Variants in DIP2B observed in about 807,000 individuals in gnomAD.
DIP2B encodes DIP2 acetate--CoA ligase B (putative), also known as disco-interacting protein 2 homolog B.
Under a neutral mutation model 198.0 loss-of-function variants are expected in DIP2B, and 76 were observed. That is an observed-to-expected ratio of 0.38 (90% CI 0.32 to 0.46). DIP2B has a LOEUF of 0.46. Ranked by LOEUF, DIP2B falls within the 20% of genes least tolerant of loss-of-function variation. The pLI is 0.99. For synonymous variants in DIP2B, 701 were observed against 739.1 expected, an observed-to-expected ratio of 0.95 and a Z score of 0.84; for missense variants, 1,559 against 1,978.4, an observed-to-expected ratio of 0.79 and a Z score of 4.02.
chr12:50,709,407 C>T (rs1283485226), intron 22 of DIP2B, among the ~76,000 whole-genome samples: 5 of 151,686 alleles, frequency 3.3e-5, no homozygotes, highest in Non-Finnish European at 4.4e-5. Context: ...CCGAGATGGG[C>T]GGATCACGAG....
chr12:50,516,227 C>CTT (rs1958062663), intron 1 of DIP2B, among the ~76,000 whole-genome samples: 4 of 147,384 alleles, frequency 2.7e-5, no homozygotes, highest in African/African-American at 1.0e-4. Flanking sequence ...CTCTCTCTCT[C>CTT]TCTCTCTCTC....
intron 1 of DIP2B, among the ~76,000 whole-genome samples, chr12:50,526,899 G>C (rs1463523842): frequency 6.6e-6 from 1 of 152,094 alleles, no homozygotes; most frequent in Non-Finnish European, 1.5e-5. Flanking sequence ...GTCCCCCAAA[G>C]TGCTGGGATT....
In DIP2B at chr12:50,589,998, CTCTT is replaced by C. The variant is rs1180568085; in HGVS notation, c.101-35974_101-35971del. On this transcript the variant is annotated intron_variant, in intron 1 of 37. Coordinates refer to ENST00000301180, the MANE Select transcript of DIP2B (RefSeq NM_173602.3). ...GCATTTCCTGTTTCTCTCTCTCTCT[CTCTT>C]TCTCTGTCTCTCTCTGAGATAGTAT... Among the ~76,000 whole-genome samples, 25 of 152,112 alleles carry C rather than the reference CTCTT, an allele frequency of 1.6e-4. No individual in the cohort carries two copies. In the East Asian group the frequency reaches 4.8e-3, roughly 29 times the overall value.
intron 37 of DIP2B, 74 bp downstream of exon 37, chr12:50,741,613 C>A: frequency 2.0e-6 from 3 of 1,524,804 alleles, no homozygotes; most frequent in South Asian, 2.5e-5. Flanking sequence ...ATTAATTGGT[C>A]ATTGGGACCA....
At chr12:50,678,629 G>A (rs1326145901) in intron 7 of DIP2B, 50 bp from the exon 8 acceptor site, 1 of 1,565,556 alleles carries the variant, frequency 6.4e-7, no homozygotes, top group South Asian at 1.2e-5. Flanking sequence ...CCTAAGTTGT[G>A]TTCATTGGTA....
chr12:50,728,567 A>G lies in DIP2B; in HGVS notation c.3530A>G (p.Asn1177Ser), dbSNP rs1302095803. Residue 1177 changes from asparagine (N) to serine (S), a missense_variant, in exon 30 of 38, where the codon AAC (asparagine) becomes AGC (serine). Coordinates refer to ENST00000301180, the MANE Select transcript of DIP2B (RefSeq NM_173602.3). ...TGVKMSHSAV[N>S]ALCRAIKLQC... ...TTCCAGATGTCCCACTCTGCAGTGA[A>G]CGCTCTGTGTCGAGCCATCAAGCTC... is the stretch of plus-strand genomic sequence containing the variant. The G allele has an allele frequency of 1.2e-6, 2 of 1,613,808 alleles. No individual in the cohort carries two copies. The highest frequency in any genetic ancestry group is 8.5e-7 in the Non-Finnish European group (1 of 1,179,938).
At chr12:50,566,574 T>A (rs1958565160) in intron 1 of DIP2B, among the ~76,000 whole-genome samples, 1 of 152,200 alleles carries the variant, frequency 6.6e-6, no homozygotes, top group Admixed American at 6.5e-5. Flanking sequence ...TTTTCTTCTT[T>A]CCTTCTGTGG....
Position 50,585,184 on chromosome 12 carries a change from T to C in DIP2B, c.101-40792T>C, listed in dbSNP as rs149791076. ...TCACCCTTCCCAAAGTAGTGACTTATCCACCTCAATCTGTTCTTTGTCACA... is the reference window on the plus strand; with the variant it reads ...TCACCCTTCCCAAAGTAGTGACTTACCCACCTCAATCTGTTCTTTGTCACA... On this transcript the variant is annotated intron_variant, in intron 1 of 37. Transcript: ENST00000301180. Among the ~76,000 whole-genome samples the C allele has an allele frequency of 1.4e-4, 21 of 152,358 alleles. No individual in the cohort carries two copies. The East Asian group carries it at 2.5e-3, about 18-fold the overall frequency.
In DIP2B at chr12:50,543,034, AT is replaced by A. The variant is rs202104404; in HGVS notation, c.100+37803del. 7.2e-3 allele frequency among the ~76,000 whole-genome samples: 1,079 copies of A among 150,176 alleles called. 16 individuals carry two copies. The highest frequency in any genetic ancestry group is 0.025 in the African/African-American group (1,036 of 40,964). On this transcript the variant is annotated intron_variant, in intron 1 of 37. Transcript: ENST00000301180. ...AGATGTGTGCCACCATGCCTGGCTA[AT>A]TTTTTTTTGGTCTTTTTTTGTAGAG...
chr12:50,739,666 T>C (rs1010333366), intron 36 of DIP2B, 80 bp downstream of exon 36: 5 of 1,529,692 alleles, frequency 3.3e-6, no homozygotes, highest in Non-Finnish European at 4.5e-6. Flanking sequence ...TGCGTTGGAT[T>C]GTGGAGTGTG....
intron 1 of DIP2B, among the ~76,000 whole-genome samples, chr12:50,560,717 C>T (rs1958512491): frequency 6.6e-6 from 1 of 152,154 alleles, no homozygotes; most frequent in Admixed American, 6.5e-5. Context: ...CGCCACTGCG[C>T]TCCAGCCTGG....
intron 1 of DIP2B, among the ~76,000 whole-genome samples, chr12:50,596,333 G>A (rs1190706205): frequency 2.0e-5 from 3 of 152,198 alleles, no homozygotes; most frequent in Non-Finnish European, 4.4e-5. Context: ...TTGCATGGTG[G>A]TAAAAACAGA....
At chr12:50,650,829 T>G (rs181990842) in intron 3 of DIP2B, among the ~76,000 whole-genome samples, 1 of 152,176 alleles carries the variant, frequency 6.6e-6, no homozygotes, top group Non-Finnish European at 1.5e-5. Context: ...TATCCAGAAG[T>G]GGAATTGCTT....
intron 1 of DIP2B, among the ~76,000 whole-genome samples, chr12:50,606,690 T>C (rs1039353063): frequency 6.6e-6 from 1 of 152,188 alleles, no homozygotes; most frequent in African/African-American, 2.4e-5. Flanking sequence ...TTTAATCTTT[T>C]TGATGGTCTC....
intron 21 of DIP2B, among the ~76,000 whole-genome samples, chr12:50,707,101 T>C (rs1033084697): frequency 3.0e-4 from 46 of 152,222 alleles, no homozygotes; most frequent in African/African-American, 8.9e-4. Flanking sequence ...AATGTGGGGA[T>C]TGACATAGTG....
intron 26 of DIP2B, 33 bp from the exon 27 acceptor site, chr12:50,723,169 G>T (rs1350839143): frequency 1.2e-6 from 2 of 1,613,020 alleles, no homozygotes; most frequent in South Asian, 1.1e-5. Context: ...AGGCAGTTCA[G>T]TGACTCTCCT....
chr12:50,548,853 C>G (rs1162225252), intron 1 of DIP2B, among the ~76,000 whole-genome samples: 2 of 152,088 alleles, frequency 1.3e-5, no homozygotes, highest in Non-Finnish European at 2.9e-5. Flanking sequence ...GTGTAAGATA[C>G]TAAGAGGTGT....
intron 13 of DIP2B, 60 bp from the exon 14 acceptor site, chr12:50,692,889 A>G: frequency 7.0e-7 from 1 of 1,429,796 alleles, no homozygotes; most frequent in Non-Finnish European, 9.7e-7. Flanking sequence ...GGCAAGTGAC[A>G]TAATTTTGCT....
chr12:50,554,690 C>T (rs12099439), intron 1 of DIP2B, among the ~76,000 whole-genome samples: 299 of 152,166 alleles, frequency 2.0e-3, no homozygotes, highest in African/African-American at 6.9e-3. Context: ...TTCTGTGTCT[C>T]GTGTCTTTAC....
Sources: allele counts gnomAD v4.1 joint callset (sites outside exome capture counted in the v4.1 genomes callset), GRCh38; gene constraint gnomAD v4.1.1; transcripts MANE v1.5; gene names NCBI Gene and HGNC (gene_info 2026-07-23, HGNC 2026-07-21).